Variants in EP400 observed in about 807,000 individuals in gnomAD.
The protein encoded by EP400 is E1A binding protein p400.
In EP400, 105 loss-of-function variants were observed where a neutral mutation model predicts 354.1. The observed-to-expected ratio is 0.30, with a 90% CI of 0.25 to 0.35. The LOEUF (loss-of-function observed/expected upper bound fraction) is 0.35. Ranked by LOEUF, EP400 falls within the 10% of genes least tolerant of loss-of-function variation. EP400 has a pLI of 1.00. For synonymous variants in EP400, 1,646 were observed against 1,716.9 expected (o/e 0.96, Z 1.02); for missense variants, 3,280 against 4,121.0 (o/e 0.80, Z 5.59).
At position 132,067,456 on chromosome 12, in the gene EP400, T is replaced by A. The variant is rs1895928150; in HGVS notation, c.8844T>A (p.Ala2948=). The change falls in exon 50 of 53, where the codon GCT becomes GCA. Residue 2948 remains alanine, a synonymous_variant. Coordinates refer to ENST00000389561, the MANE Select transcript of EP400 (RefSeq NM_015409.5). This position sits in a 1 kb window ranked among gnomAD's most constrained non-coding sequence, Gnocchi z 5.3. The part of the protein sequence containing the change: ...VQQQKAIQPQ[A]AQGPAAVQQK... ...AGCAGAAGGCCATCCAGCCCCAGGC[T>A]GCACAGGGCCCGGCAGCCGTCCAGC... 6.2e-7 allele frequency: 1 copy of A among 1,613,220 alleles called. No homozygotes were observed. Among genetic ancestry groups the A allele is most frequent in the African/African-American group, 1.3e-5 (1 of 74,916 alleles).
At chr12:131,975,801 T>C (rs1892453669) in intron 2 of EP400, among the ~76,000 whole-genome samples, 1 of 152,144 alleles carries the variant, frequency 6.6e-6, no homozygotes, top group African/African-American at 2.4e-5. Flanking sequence ...TCAAGTGATC[T>C]GTGTACCTTA....
chr12:131,962,706 A>G (rs960373678), intron 2 of EP400, among the ~76,000 whole-genome samples: 1 of 152,200 alleles, frequency 6.6e-6, no homozygotes, highest in Non-Finnish European at 1.5e-5. Context: ...ATTTCTTAGT[A>G]CCATGGTGAG....
At chr12:131,992,914 T>C (rs1320061673) in intron 11 of EP400, among the ~76,000 whole-genome samples, 2 of 152,226 alleles carry the variant, frequency 1.3e-5, no homozygotes, top group African/African-American at 4.8e-5. Flanking sequence ...TGTTAACTTT[T>C]CCAAATTTTT....
chr12:132,076,055 A>C, intron 51 of EP400: 1 of 217,346 alleles, frequency 4.6e-6, no homozygotes. Context: ...AAAATGATAA[A>C]ATTACCAGCC....
Position 132,018,262 on chromosome 12 carries a change from G to A in EP400, c.4163G>A (p.Arg1388His), listed in dbSNP as rs150616829. ...DLIGLENKIT[R>H]HEAELLSKKK... ...ATCGGCTTAGAAAATAAAATCACTC[G>A]TCACGAGGCAGAGTTGCTGTCTAAG... Residue 1388 changes from arginine (R) to histidine (H), a missense_variant, in exon 21 of 53, where the codon CGT becomes CAT. Arg to His is a conservative substitution (Grantham distance 29). Coordinates refer to ENST00000389561, the MANE Select transcript of EP400 (RefSeq NM_015409.5). The surrounding 1 kb of genome is among the most constrained non-coding windows in gnomAD (Gnocchi z 4.0). 9.9e-5 allele frequency: 159 copies of A among 1,613,456 alleles called. 1 individual carries two copies. In the African/African-American group the frequency reaches 1.4e-3, roughly 14 times the overall value.
At chr12:132,037,409 G>C (rs1190011905) in intron 30 of EP400, among the ~76,000 whole-genome samples, 2 of 152,220 alleles carry the variant, frequency 1.3e-5, no homozygotes, top group Non-Finnish European at 2.9e-5. Context: ...GGTTGAGACT[G>C]GTGGGAGAAA....
At chr12:131,995,033 A>G (rs1893157155) in intron 12 of EP400, 77 bp downstream of exon 12, 2 of 1,376,422 alleles carry the variant, frequency 1.5e-6, no homozygotes, top group Non-Finnish European at 2.1e-6. Flanking sequence ...GAATAATAAT[A>G]TATTGAGTAA....
rs1893840449 is a variant in EP400, at chr12:132,013,903, C to T, written c.3913C>T (p.Leu1305=). ...AAAAGCCTTATACGAGGACGTTATC[C>T]TGCAACCTGGGTGAGTGTGGGCTCT... is the stretch of plus-strand genomic sequence containing the variant. ...RQKALYEDVI[L]QPGTQEALKS... is the part of the protein sequence containing the mutation. Residue 1305 remains leucine (L), a synonymous_variant, in exon 19 of 53, where the codon CTG becomes TTG. Transcript: ENST00000389561. This position sits in a 1 kb window ranked among gnomAD's most constrained non-coding sequence, Gnocchi z 4.5. 1 of 1,614,098 alleles carries T rather than the reference C, an allele frequency of 6.2e-7. No individual in the cohort carries two copies.
rs1895263228 is a variant in EP400 at position 132,050,837 on chromosome 12, A to G, written c.7394+182A>G. The G allele has an allele frequency of 1.5e-6, 1 of 686,740 alleles. No homozygotes were observed. Among genetic ancestry groups the G allele is most frequent in the Non-Finnish European group, 2.5e-6 (1 of 398,834 alleles). 42.5% of individuals were successfully genotyped at this position (686,740 alleles called of 1,614,324 possible). On this transcript the variant is annotated intron_variant, in intron 41 of 52. Coordinates refer to ENST00000389561, the MANE Select transcript of EP400 (RefSeq NM_015409.5). The surrounding 1 kb of genome is among the most constrained non-coding windows in gnomAD (Gnocchi z 4.8). ...TCCTGCCGTGGGCTAGGGTATGCATAGGACGGCCCCTGCCCTGTCTCTGTG... is the reference window on the plus strand; with the variant it reads ...TCCTGCCGTGGGCTAGGGTATGCATGGGACGGCCCCTGCCCTGTCTCTGTG...
Position 132,025,789 on chromosome 12 carries a change from C to T in EP400, c.4999C>T (p.Pro1667Ser). Residue 1667 changes from proline to serine, a missense_variant, in exon 25 of 53, where the codon CCC (proline) becomes TCC (serine). Physicochemically the swap from Pro to Ser is moderately conservative, Grantham distance 74. This residue lies in a region of EP400 where 459 missense variants were observed against 496.9 expected (regional missense o/e 0.92). Transcript: ENST00000389561. The surrounding 1 kb of genome is among the most constrained non-coding windows in gnomAD (Gnocchi z 4.1). ...CCCGGCCGGCGGTCCCAGCCCTGCA[C>T]CCTTGACCCCACAAGGTAGGGTGCT... ...KPPAGGPSPA[P>S]LTPQVGVPGR... The T allele has an allele frequency of 1.2e-6, 2 of 1,603,462 alleles. No homozygotes were observed. Among genetic ancestry groups the T allele is most frequent in the East Asian group, 2.2e-5 (1 of 44,722 alleles).
chr12:131,999,096 G>A (rs933852745), intron 12 of EP400, among the ~76,000 whole-genome samples: 1 of 151,866 alleles, frequency 6.6e-6, no homozygotes, highest in Admixed American at 6.6e-5. Flanking sequence ...AGCACTTTCA[G>A]TAGAAAGGCA....
chr12:132,012,978 A>C (rs368269608), intron 16 of EP400, 31 bp from the exon 17 acceptor site: 4 of 1,543,596 alleles, frequency 2.6e-6, no homozygotes, highest in Non-Finnish European at 3.5e-6. Flanking sequence ...GTGGAGTGTG[A>C]AGGCACTGAG....
chr12:131,958,851 T>A (rs1352949021), intron 1 of EP400, among the ~76,000 whole-genome samples: 2 of 152,200 alleles, frequency 1.3e-5, no homozygotes, highest in South Asian at 2.1e-4. Flanking sequence ...TCATGGTTTT[T>A]AAAAATCCGT....
At chr12:131,982,791 G>T (rs752808724) in intron 5 of EP400, among the ~76,000 whole-genome samples, 11 of 151,974 alleles carry the variant, frequency 7.2e-5, no homozygotes, top group Non-Finnish European at 1.5e-4. Flanking sequence ...CCAACATGGC[G>T]AAACCCTGTC....
chr12:131,991,337 C>G (rs1025039222), intron 9 of EP400, 70 bp from the exon 10 acceptor site: 45 of 1,541,440 alleles, frequency 2.9e-5, no homozygotes, highest in Non-Finnish European at 3.9e-5. Context: ...AGGACCCTGC[C>G]TGGAAAGCAG....
At chr12:132,069,433 C>A in intron 50 of EP400, 62 bp from the exon 51 acceptor site, 2 of 1,580,020 alleles carry the variant, frequency 1.3e-6, no homozygotes, top group Non-Finnish European at 1.7e-6. Flanking sequence ...AGCGGGCAGG[C>A]GTCCCGGGAG....
intron 2 of EP400, among the ~76,000 whole-genome samples, chr12:131,964,749 T>TAAATACTTCAGCA (rs1241844980): frequency 2.0e-5 from 3 of 152,252 alleles, no homozygotes; most frequent in Non-Finnish European, 2.9e-5. Context: ...CTTTTATCTG[T>TAAATACTTCAGCA]AAATACTTCA....
At chr12:132,017,000 G>T (rs1220980065) in intron 19 of EP400, among the ~76,000 whole-genome samples, 1 of 152,206 alleles carries the variant, frequency 6.6e-6, no homozygotes, top group Admixed American at 6.5e-5. Flanking sequence ...ACACCAGAGA[G>T]CTACTCCCCA....
rs58724167 is a variant in EP400, at chr12:132,073,459, C to CTTTTTTTTTTTTTTTTTTTTTTTTTTTTT, written c.9022-3043_9022-3042insTTTTTTTTTTTTTTTTTTTTTTTTTTTTT. Among the ~76,000 whole-genome samples, 42 of 117,694 alleles carry CTTTTTTTTTTTTTTTTTTTTTTTTTTTTT rather than the reference C, an allele frequency of 3.6e-4. 3 individuals are homozygous for CTTTTTTTTTTTTTTTTTTTTTTTTTTTTT. Among genetic ancestry groups the CTTTTTTTTTTTTTTTTTTTTTTTTTTTTT allele is most frequent in the African/African-American group, 9.3e-4 (21 of 22,642 alleles). The allele number at this position is 117,694 out of a possible 152,430, so 77.2% of individuals were successfully genotyped here. On this transcript the variant is annotated intron_variant, in intron 51 of 52. Coordinates refer to ENST00000389561, the MANE Select transcript of EP400 (RefSeq NM_015409.5). ...GTGCGTTTTAATTCTGTCCCTTTTC[C>CTTTTTTTTTTTTTTTTTTTTTTTTTTTTT]TTTTTTTTTTTTTTGACACAGTCTT... is the stretch of plus-strand genomic sequence containing the variant.
Sources: allele counts gnomAD v4.1 joint callset (sites outside exome capture counted in the v4.1 genomes callset), GRCh38; gene constraint gnomAD v4.1.1; regional missense constraint gnomAD v4.1.1; non-coding constraint Gnocchi (gnomAD v3.1); transcripts MANE v1.5; gene names NCBI Gene and HGNC (gene_info 2026-07-23, HGNC 2026-07-21).